Variants in CCDC91 observed in about 807,000 individuals in gnomAD.
The protein encoded by CCDC91 is coiled-coil domain-containing protein 91.
In CCDC91, 48 loss-of-function variants were observed where a neutral mutation model predicts 63.2. The observed-to-expected ratio is 0.76, with a 90% CI of 0.60 to 0.97. The LOEUF is 0.97. Ranked by LOEUF, CCDC91 falls within the 50% of genes least tolerant of loss-of-function variation. The pLI is 0.00. For missense variants in CCDC91, 500 were observed against 494.6 expected (o/e 1.01, Z -0.10); for synonymous variants, 167 against 165.8 (o/e 1.01, Z -0.06).
chr12:28,445,316 C>G (rs1243528434), intron 8 of CCDC91, among the ~76,000 whole-genome samples: 19 of 152,094 alleles, frequency 1.2e-4, no homozygotes, highest in Admixed American at 1.2e-3. Context: ...TAGTCCCCCT[C>G]CCCCACAAAA....
At chr12:28,399,567 A>C (rs1431792479) in intron 8 of CCDC91, among the ~76,000 whole-genome samples, 1 of 152,220 alleles carries the variant, frequency 6.6e-6, no homozygotes, top group Non-Finnish European at 1.5e-5. Flanking sequence ...CAAGAGTCCA[A>C]GTCCAAAGCC....
At chr12:28,388,368 C>T (rs1173205090) in intron 7 of CCDC91, among the ~76,000 whole-genome samples, 1 of 152,114 alleles carries the variant, frequency 6.6e-6, no homozygotes, top group Non-Finnish European at 1.5e-5. Flanking sequence ...ACCCTAAAGA[C>T]TCCTCCAAAA....
At chr12:28,405,008 A>G (rs1225500291) in intron 8 of CCDC91, among the ~76,000 whole-genome samples, 1 of 152,048 alleles carries the variant, frequency 6.6e-6, no homozygotes, top group Non-Finnish European at 1.5e-5. Flanking sequence ...ATTTACAATG[A>G]TTATTGATAG....
chr12:28,192,246 G>A (rs1164497059), intron 1 of CCDC91, among the ~76,000 whole-genome samples: 2 of 152,180 alleles, frequency 1.3e-5, no homozygotes, highest in African/African-American at 2.4e-5. Context: ...GGACAAACAG[G>A]AATTTGGTGT....
At chr12:28,521,877 A>G (rs2141444990) in intron 12 of CCDC91, among the ~76,000 whole-genome samples, 1 of 152,248 alleles carries the variant, frequency 6.6e-6, no homozygotes, top group African/African-American at 2.4e-5. Flanking sequence ...GATTACACTT[A>G]TTGATTTGTG....
intron 7 of CCDC91, among the ~76,000 whole-genome samples, chr12:28,382,929 G>A (rs1945381840): frequency 6.6e-6 from 1 of 151,824 alleles, no homozygotes; most frequent in Non-Finnish European, 1.5e-5. Context: ...GGAATAATGT[G>A]GCATCTGAGG....
At chr12:28,355,462 T>A (rs971930726) in intron 6 of CCDC91, among the ~76,000 whole-genome samples, 1 of 152,164 alleles carries the variant, frequency 6.6e-6, no homozygotes, top group Non-Finnish European at 1.5e-5. Flanking sequence ...ATGGCAACAA[T>A]CATGGCACTG....
At chr12:28,351,533 T>G (rs1327243196) in intron 6 of CCDC91, among the ~76,000 whole-genome samples, 1 of 152,208 alleles carries the variant, frequency 6.6e-6, no homozygotes, top group Non-Finnish European at 1.5e-5. Context: ...CCCATGGCCC[T>G]GGCTTGGTTA....
chr12:28,459,931 T>A (rs1225347943), intron 11 of CCDC91, among the ~76,000 whole-genome samples: 1 of 152,144 alleles, frequency 6.6e-6, no homozygotes, highest in Non-Finnish European at 1.5e-5. Context: ...CTGTTCCCAA[T>A]GTGATAGTTT....
chr12:28,277,801 A>C (rs1258071808), intron 3 of CCDC91, among the ~76,000 whole-genome samples: 3 of 151,928 alleles, frequency 2.0e-5, no homozygotes, highest in Non-Finnish European at 4.4e-5. Context: ...ATTTTTATGT[A>C]GTCATCTTTA....
chr12:28,487,061 GA>G (rs1951765124), intron 12 of CCDC91, among the ~76,000 whole-genome samples: 1 of 151,812 alleles, frequency 6.6e-6, no homozygotes, highest in African/African-American at 2.4e-5. Context: ...GTGCTCTTTA[GA>G]ATAGTGTTTG....
At chr12:28,267,777 T>TATAATTATATATAATTATATTG (rs1565699455) in intron 3 of CCDC91, among the ~76,000 whole-genome samples, 1 of 72,822 alleles carries the variant, frequency 1.4e-5, no homozygotes, top group African/African-American at 5.5e-5. Context: ...AATTATATTA[T>TATAATTATATATAATTATATTG]TAATATATAA....
intron 12 of CCDC91, among the ~76,000 whole-genome samples, chr12:28,520,789 T>G (rs1180689257): frequency 6.6e-6 from 1 of 152,240 alleles, no homozygotes; most frequent in Non-Finnish European, 1.5e-5. Context: ...TTTCTACATA[T>G]GGCTAGCCAG....
chr12:28,239,038 T>G (rs2135929332), intron 1 of CCDC91, among the ~76,000 whole-genome samples: 1 of 151,698 alleles, frequency 6.6e-6, no homozygotes, highest in Middle Eastern at 3.4e-3. Context: ...GAGAATTGCT[T>G]GAACCCAGGA....
chr12:28,256,655 C>T (rs1565681208), intron 1 of CCDC91: 1 of 152,776 alleles, frequency 6.5e-6, no homozygotes, highest in Non-Finnish European at 1.5e-5. Context: ...ACTTGCTCCA[C>T]ATTTTTCCAA....
intron 8 of CCDC91, among the ~76,000 whole-genome samples, chr12:28,410,849 T>A (rs1252173371): frequency 6.6e-6 from 1 of 152,186 alleles, no homozygotes; most frequent in Non-Finnish European, 1.5e-5. Context: ...ACCCTTTAAA[T>A]TTAATGTGAT....
chr12:28,433,182 A>G (rs1315241699), intron 8 of CCDC91, among the ~76,000 whole-genome samples: 9 of 151,732 alleles, frequency 5.9e-5, no homozygotes, highest in African/African-American at 2.2e-4. Flanking sequence ...CATTCTCCTG[A>G]CACTATCTTT....
At chr12:28,415,451 C>G (rs1160128443) in intron 8 of CCDC91, among the ~76,000 whole-genome samples, 3 of 151,792 alleles carry the variant, frequency 2.0e-5, no homozygotes, top group African/African-American at 7.3e-5. Context: ...AACTCCTGAC[C>G]TCAGGTGATC....
At chr12:28,311,296 ATCT>A (rs1395122742) in intron 6 of CCDC91, among the ~76,000 whole-genome samples, 1 of 151,974 alleles carries the variant, frequency 6.6e-6, no homozygotes, top group African/African-American at 2.4e-5. Context: ...ATTAGGTGAG[ATCT>A]TCTTACCTCT....
Sources: allele counts gnomAD v4.1 joint callset (sites outside exome capture counted in the v4.1 genomes callset), GRCh38; gene constraint gnomAD v4.1.1; transcripts MANE v1.5; gene names NCBI Gene and HGNC (gene_info 2026-07-23, HGNC 2026-07-21).